MCTP1: variants seen among roughly 807,000 people sequenced by gnomAD.
The protein encoded by MCTP1 is multiple C2 and transmembrane domain containing 1.
Under a neutral mutation model 120.6 loss-of-function variants are expected in MCTP1, and 69 were observed. That is an observed-to-expected ratio of 0.57 (90% CI 0.47 to 0.70). MCTP1 has a LOEUF of 0.70. Ranked by LOEUF, MCTP1 falls within the 30% of genes least tolerant of loss-of-function variation. The pLI, the probability that MCTP1 is intolerant of heterozygous loss-of-function variation, is 0.00. For missense variants in MCTP1, 1,203 were observed against 1,248.8 expected (o/e 0.96, Z 0.55); for synonymous variants, 529 against 493.1 (o/e 1.07, Z -0.96).
intron 10 of MCTP1, among the ~76,000 whole-genome samples, chr5:94,902,776 C>T (rs1013108475): frequency 1.3e-5 from 2 of 152,094 alleles, no homozygotes; most frequent in African/African-American, 4.8e-5. Context: ...CTGTTATTGC[C>T]TTTCTGTTGT....
intron 1 of MCTP1, among the ~76,000 whole-genome samples, chr5:95,225,405 A>G (rs976496445): frequency 6.6e-6 from 1 of 152,218 alleles, no homozygotes; most frequent in South Asian, 2.1e-4. Context: ...AACTCCAGAC[A>G]GTAATGGCTT....
At chr5:95,192,187 T>A (rs1749897712) in intron 1 of MCTP1, among the ~76,000 whole-genome samples, 1 of 151,952 alleles carries the variant, frequency 6.6e-6, no homozygotes, top group Admixed American at 6.6e-5. Context: ...ATTAAAAATA[T>A]AAATTTAGTA....
intron 9 of MCTP1, 89 bp downstream of exon 9, chr5:94,912,717 T>C: frequency 9.8e-7 from 1 of 1,025,192 alleles, no homozygotes; most frequent in Non-Finnish European, 1.4e-6. Context: ...ATTTAAAACA[T>C]TATCTAGTGG....
In MCTP1 at chr5:94,707,352, T is replaced by G. The variant is rs1451610054; in HGVS notation, c.*144A>C. Reference sequence around the variant, plus strand: ...AGTATATATTCAAAGACATATGCCTTTGTACACTATTTACAGATTCTCTCG... The same window carrying G: ...AGTATATATTCAAAGACATATGCCTGTGTACACTATTTACAGATTCTCTCG... On this transcript the variant is annotated 3_prime_UTR_variant, in exon 23 of 23. Transcript: ENST00000515393. The G allele has an allele frequency of 9.4e-6, 6 of 640,198 alleles. No homozygotes were observed. The highest frequency in any genetic ancestry group is 1.6e-5 in the Non-Finnish European group (6 of 365,108). 39.7% of individuals were successfully genotyped at this position (640,198 alleles called of 1,614,324 possible).
chr5:95,273,026 G>A (rs529238227), intron 1 of MCTP1, among the ~76,000 whole-genome samples: 42 of 152,308 alleles, frequency 2.8e-4, no homozygotes, highest in South Asian at 8.3e-4. Context: ...TGCAGCCCAC[G>A]TCTGCTCTCA....
chr5:95,243,268 C>A (rs1756374865), intron 1 of MCTP1, among the ~76,000 whole-genome samples: 1 of 151,726 alleles, frequency 6.6e-6, no homozygotes, highest in African/African-American at 2.4e-5. Flanking sequence ...GTTTTCAGAC[C>A]CAGAACAATA....
Position 95,121,264 on chromosome 5 carries a change from C to T in MCTP1, c.721-103780G>A, listed in dbSNP as rs193216852. Among the ~76,000 whole-genome samples the T allele has an allele frequency of 4.6e-3, 490 of 107,270 alleles. 4 individuals are homozygous for T. The highest frequency in any genetic ancestry group is 0.014 in the African/African-American group (375 of 27,366). 70.4% of individuals were successfully genotyped at this position (107,270 alleles called of 152,430 possible). Reference sequence around the variant, plus strand: ...CTGCACTCCAGCCTGGGTGACAGAGCGAGACTCCATCACAAAAAAAAAAAA... The same window carrying T: ...CTGCACTCCAGCCTGGGTGACAGAGTGAGACTCCATCACAAAAAAAAAAAA... On this transcript the variant is annotated intron_variant, in intron 1 of 22. Coordinates refer to ENST00000515393, the MANE Select transcript of MCTP1 (RefSeq NM_024717.7).
In MCTP1 at chr5:95,079,864, C is replaced by T. The variant is rs550521614; in HGVS notation, c.721-62380G>A. On this transcript the variant is annotated intron_variant, in intron 1 of 22. Transcript: ENST00000515393. ...TCTTAAGAGTTAAGAGGTTTTAAAG[C>T]GAAGTTTTGTTTTCAAATCTATCAT... Among the ~76,000 whole-genome samples, 5 of 151,970 alleles carry T rather than the reference C, an allele frequency of 3.3e-5. No individual in the cohort carries two copies. In the East Asian group the frequency reaches 5.8e-4, roughly 18 times the overall value.
At chr5:94,880,626 T>G (rs1561795393) in intron 12 of MCTP1, among the ~76,000 whole-genome samples, 3 of 152,142 alleles carry the variant, frequency 2.0e-5, no homozygotes, top group Non-Finnish European at 2.9e-5. Flanking sequence ...TCTTAGAATC[T>G]GAAGGCTTGG....
intron 2 of MCTP1, among the ~76,000 whole-genome samples, chr5:94,972,644 T>C (rs557901525): frequency 5.3e-5 from 8 of 152,278 alleles, no homozygotes; most frequent in Non-Finnish European, 8.8e-5. Flanking sequence ...GAAAATATAA[T>C]TTTAAAAATT....
intron 1 of MCTP1, among the ~76,000 whole-genome samples, chr5:95,258,314 C>G (rs1175993926): frequency 6.6e-6 from 1 of 152,122 alleles, no homozygotes; most frequent in Non-Finnish European, 1.5e-5. Flanking sequence ...GGGGTTTCCT[C>G]CCAAAAACCC....
At chr5:94,943,512 A>G (rs572421710) in intron 3 of MCTP1, among the ~76,000 whole-genome samples, 1 of 152,232 alleles carries the variant, frequency 6.6e-6, no homozygotes, top group South Asian at 2.1e-4. Flanking sequence ...ACTTCCATCC[A>G]TCTATTAATT....
intron 12 of MCTP1, among the ~76,000 whole-genome samples, chr5:94,880,644 T>A (rs916112991): frequency 6.6e-6 from 1 of 152,080 alleles, no homozygotes; most frequent in Admixed American, 6.6e-5. Context: ...TGGAAATAAA[T>A]CTTAGAGGTC....
chr5:94,916,324 C>T (rs1001065163), intron 8 of MCTP1, among the ~76,000 whole-genome samples: 5 of 152,072 alleles, frequency 3.3e-5, no homozygotes, highest in East Asian at 1.9e-4. Context: ...TGGCTATATG[C>T]TTGGGCATGT....
rs181182065 is a variant in MCTP1, at chr5:95,275,302, G to A, written c.720+8554C>T. Among the ~76,000 whole-genome samples, 1,200 of 152,314 alleles carry A rather than the reference G, an allele frequency of 7.9e-3. 9 individuals carry two copies. The highest frequency in any genetic ancestry group is 0.012 in the Non-Finnish European group (797 of 68,034). The stretch of plus-strand genomic sequence containing the variant: ...ATCTAAAGACTTCACACAAAAATCT[G>A]GGATTTGGCTTCTATTAAAGAATCT... On this transcript the variant is annotated intron_variant, in intron 1 of 22. Coordinates refer to ENST00000515393, the MANE Select transcript of MCTP1 (RefSeq NM_024717.7).
At chr5:95,167,659 GTGA>G (rs1423009081) in intron 1 of MCTP1, among the ~76,000 whole-genome samples, 2 of 151,938 alleles carry the variant, frequency 1.3e-5, no homozygotes, top group South Asian at 2.1e-4. Context: ...CTGATGGCCA[GTGA>G]TGATGAGCAT....
intron 1 of MCTP1, among the ~76,000 whole-genome samples, chr5:95,100,031 C>T (rs1244600716): frequency 7.2e-6 from 1 of 139,334 alleles, no homozygotes; most frequent in Non-Finnish European, 1.6e-5. Context: ...GAACAAAAAA[C>T]CAAACACCGC....
chr5:95,053,326 T>C (rs751741135), intron 1 of MCTP1, among the ~76,000 whole-genome samples: 1 of 152,198 alleles, frequency 6.6e-6, no homozygotes, highest in Non-Finnish European at 1.5e-5. Flanking sequence ...TAACTCAAGG[T>C]ATCATGGGGT....
At chr5:95,245,335 T>C (rs1283786541) in intron 1 of MCTP1, among the ~76,000 whole-genome samples, 1 of 152,178 alleles carries the variant, frequency 6.6e-6, no homozygotes, top group African/African-American at 2.4e-5. Flanking sequence ...CTTTGACAAG[T>C]TGACAGAAGT....
Sources: allele counts gnomAD v4.1 joint callset (sites outside exome capture counted in the v4.1 genomes callset), GRCh38; gene constraint gnomAD v4.1.1; transcripts MANE v1.5; gene names NCBI Gene and HGNC (gene_info 2026-07-23, HGNC 2026-07-21).